Variants in CPM observed in about 807,000 individuals in gnomAD.
The protein encoded by CPM is carboxypeptidase M.
A neutral mutation model predicts 46.4 loss-of-function variants in CPM; 35 were observed. That is an observed-to-expected ratio of 0.75 (90% CI 0.58 to 1.00). The LOEUF (loss-of-function observed/expected upper bound fraction) is 1.00. Ranked by LOEUF, CPM falls within the 50% of genes least tolerant of loss-of-function variation. CPM has a pLI of 0.00. For missense variants in CPM, 422 were observed against 530.4 expected (o/e 0.80, Z 2.01); for synonymous variants, 195 against 195.3 (o/e 1.00, Z 0.01).
intron 1 of CPM, among the ~76,000 whole-genome samples, chr12:68,943,049 G>T (rs1888789529): frequency 6.6e-6 from 1 of 152,170 alleles, no homozygotes; most frequent in African/African-American, 2.4e-5. Flanking sequence ...CTCAGTGCAT[G>T]CTTGCTGATT....
At chr12:68,929,820 C>T (rs888843285) in intron 2 of CPM, among the ~76,000 whole-genome samples, 2 of 151,940 alleles carry the variant, frequency 1.3e-5, no homozygotes, top group African/African-American at 2.4e-5. Context: ...TCACATCTAC[C>T]GACTTTGTCA....
intron 2 of CPM, among the ~76,000 whole-genome samples, chr12:68,894,231 C>A (rs1286906701): frequency 1.3e-5 from 2 of 152,222 alleles, no homozygotes; most frequent in Non-Finnish European, 1.5e-5. Flanking sequence ...ATGTAACCCA[C>A]AAGGGCACTG....
chr12:68,869,637 ATTC>A, intron 5 of CPM, 142 bp from the exon 6 acceptor site: 1 of 708,024 alleles, frequency 1.4e-6, no homozygotes, highest in Non-Finnish European at 2.2e-6. Context: ...CACCTCCTCT[ATTC>A]TTCTTTCTAC....
At chr12:68,858,446 A>G (rs1035708227) in intron 8 of CPM, among the ~76,000 whole-genome samples, 1 of 152,196 alleles carries the variant, frequency 6.6e-6, no homozygotes, top group Non-Finnish European at 1.5e-5. Flanking sequence ...AAGGGCTGCA[A>G]AATATGTTTA....
At chr12:68,905,687 T>C (rs1250963094) in intron 2 of CPM, among the ~76,000 whole-genome samples, 1 of 151,858 alleles carries the variant, frequency 6.6e-6, no homozygotes, top group African/African-American at 2.4e-5. Flanking sequence ...GGTGAGTAGG[T>C]CTACGCAAAC....
At chr12:68,952,410 T>C (rs1489074757) in intron 1 of CPM, among the ~76,000 whole-genome samples, 1 of 152,136 alleles carries the variant, frequency 6.6e-6, no homozygotes, top group African/African-American at 2.4e-5. Context: ...AACTTTCTTT[T>C]CTCTGAAGGC....
intron 2 of CPM, among the ~76,000 whole-genome samples, chr12:68,886,854 C>A (rs1190487260): frequency 6.6e-6 from 1 of 152,120 alleles, no homozygotes; most frequent in Non-Finnish European, 1.5e-5. Flanking sequence ...AGGGCAGAGA[C>A]AAAAGCTCAC....
chr12:68,929,102 A>G (rs1321078103), intron 2 of CPM, among the ~76,000 whole-genome samples: 4 of 152,050 alleles, frequency 2.6e-5, no homozygotes, highest in Non-Finnish European at 2.9e-5. Flanking sequence ...ATTGCTATCT[A>G]TTGATAGTCA....
intron 1 of CPM, among the ~76,000 whole-genome samples, chr12:68,950,250 A>G (rs968603013): frequency 2.0e-5 from 3 of 152,214 alleles, no homozygotes; most frequent in African/African-American, 7.2e-5. Context: ...TCAAGAAGAT[A>G]TACCACTAAG....
At chr12:68,870,003 G>T (rs920828707) in intron 5 of CPM, among the ~76,000 whole-genome samples, 1 of 152,176 alleles carries the variant, frequency 6.6e-6, no homozygotes, top group East Asian at 1.9e-4. Flanking sequence ...ATTCACTGAT[G>T]CATGTCCAGC....
At chr12:68,901,836 G>A (rs984681741) in intron 2 of CPM, among the ~76,000 whole-genome samples, 2 of 152,106 alleles carry the variant, frequency 1.3e-5, no homozygotes, top group East Asian at 1.9e-4. Flanking sequence ...GGGTAGAACA[G>A]AGCAAGTAGC....
intron 2 of CPM, among the ~76,000 whole-genome samples, chr12:68,886,270 T>C (rs1354866794): frequency 6.6e-6 from 1 of 151,640 alleles, no homozygotes; most frequent in Non-Finnish European, 1.5e-5. Context: ...AGTTAAATTA[T>C]AGTTGATGGT....
chr12:68,849,588 T>C (rs1395894986), downstream of CPM: 1 of 151,798 alleles, frequency 6.6e-6, no homozygotes, highest in Non-Finnish European at 1.5e-5. Flanking sequence ...TTTTGTATTT[T>C]TAGTAGAGAC....
At chr12:68,868,234 G>C (rs1281786503) in intron 6 of CPM, among the ~76,000 whole-genome samples, 2 of 152,176 alleles carry the variant, frequency 1.3e-5, no homozygotes, top group Non-Finnish European at 2.9e-5. Flanking sequence ...AGGAGAGGGG[G>C]CTGTATCTTG....
At chr12:68,960,781 A>G (rs1889098171) in intron 1 of CPM, among the ~76,000 whole-genome samples, 1 of 152,252 alleles carries the variant, frequency 6.6e-6, no homozygotes, top group African/African-American at 2.4e-5. Context: ...TCTCAAGCCC[A>G]GAAAGCTGAC....
rs1046277582 is a variant in CPM, at chr12:68,941,541, T to A, written c.-3-8701A>T. The stretch of plus-strand genomic sequence containing the variant: ...GGTGTGTACCACCACGCATGGCTAT[T>A]TTTTTGTGTATTTTTTGTAGATACA... On this transcript the variant is annotated intron_variant, in intron 1 of 8. Transcript: ENST00000546373. Among the ~76,000 whole-genome samples the A allele has an allele frequency of 1.4e-4, 21 of 152,132 alleles. 1 individual carries two copies. The highest frequency in any genetic ancestry group is 5.1e-4 in the African/African-American group (21 of 41,482).
At chr12:68,956,390 G>A (rs1031383452) in intron 1 of CPM, among the ~76,000 whole-genome samples, 6 of 152,162 alleles carry the variant, frequency 3.9e-5, no homozygotes, top group South Asian at 2.1e-4. Flanking sequence ...ATCCCATCCC[G>A]CCAACTTGGA....
chr12:68,961,761 A>G (rs28792083), intron 1 of CPM, among the ~76,000 whole-genome samples: 8 of 42,382 alleles, frequency 1.9e-4, no homozygotes, highest in East Asian at 1.4e-3. Context: ...TAAATAAACA[A>G]ACAGACAAAC....
intron 2 of CPM, among the ~76,000 whole-genome samples, chr12:68,931,077 A>C (rs112953753): frequency 6.6e-6 from 1 of 152,186 alleles, no homozygotes; most frequent in African/African-American, 2.4e-5. Context: ...CCCAACCTCT[A>C]TAATTTTGGA....
Sources: allele counts gnomAD v4.1 joint callset (sites outside exome capture counted in the v4.1 genomes callset), GRCh38; gene constraint gnomAD v4.1.1; transcripts MANE v1.5; gene names NCBI Gene and HGNC (gene_info 2026-07-23, HGNC 2026-07-21).